NEK7: variants seen among roughly 807,000 people sequenced by gnomAD.
NEK7 encodes NIMA related kinase 7.
Under a neutral mutation model 44.6 loss-of-function variants are expected in NEK7, and 18 were observed. The ratio of observed to expected loss-of-function variants is 0.40; its 90% CI spans 0.28 to 0.60. The LOEUF (loss-of-function observed/expected upper bound fraction) is 0.60. NEK7 is among the 20% of genes least tolerant of loss of function. The pLI, the probability that NEK7 is intolerant of heterozygous loss-of-function variation, is 0.38. For missense variants in NEK7, 256 were observed against 366.5 expected (o/e 0.70, Z 2.46); for synonymous variants, 130 against 121.1 (o/e 1.07, Z -0.48).
chr1:198,197,434 T>C (rs6691920), intron 1 of NEK7, among the ~76,000 whole-genome samples: 15,247 of 152,254 alleles, frequency 0.1, 981 homozygotes, highest in East Asian at 0.22. Flanking sequence ...TAAGAAATTT[T>C]TTATCGAAGT....
intron 9 of NEK7, among the ~76,000 whole-genome samples, chr1:198,314,976 C>A (rs61831679): frequency 5.3e-5 from 8 of 152,234 alleles, no homozygotes; most frequent in Non-Finnish European, 8.8e-5. Context: ...TGGTGCTTCC[C>A]GGCTGCTTTG....
chr1:198,287,594 A>G (rs1182988526), intron 7 of NEK7, among the ~76,000 whole-genome samples: 1 of 152,030 alleles, frequency 6.6e-6, no homozygotes, highest in East Asian at 1.9e-4. Context: ...CAAGGGAGAA[A>G]ATGCCACACT....
At chr1:198,207,735 T>C (rs918997901) in intron 1 of NEK7, among the ~76,000 whole-genome samples, 1 of 152,184 alleles carries the variant, frequency 6.6e-6, no homozygotes, top group Non-Finnish European at 1.5e-5. Context: ...GGAACTGTTC[T>C]ATATTTTGAT....
chr1:198,300,249 G>A (rs1654844453), intron 9 of NEK7, among the ~76,000 whole-genome samples: 1 of 152,152 alleles, frequency 6.6e-6, no homozygotes, highest in African/African-American at 2.4e-5. Flanking sequence ...TGGTGACAGT[G>A]AAGCAAACAT....
chr1:198,318,523 C>T (rs79293937), intron 9 of NEK7, among the ~76,000 whole-genome samples: 2,428 of 152,202 alleles, frequency 0.016, 69 homozygotes, highest in African/African-American at 0.055. Context: ...AGTGCTATAT[C>T]GTGGCCAGAG....
At chr1:198,208,628 G>A (rs1278126314) in intron 1 of NEK7, 3 of 152,126 alleles carry the variant, frequency 2.0e-5, no homozygotes, top group African/African-American at 7.2e-5. Context: ...TTGAGCTATT[G>A]TACAATGTGT....
chr1:198,284,610 C>T (rs1463343499), intron 7 of NEK7, among the ~76,000 whole-genome samples: 4 of 152,062 alleles, frequency 2.6e-5, no homozygotes, highest in African/African-American at 7.2e-5. Context: ...TAAATTTTCT[C>T]GTATCGTAAG....
chr1:198,309,270 G>A (rs756423147), intron 9 of NEK7, among the ~76,000 whole-genome samples: 1 of 151,926 alleles, frequency 6.6e-6, no homozygotes, highest in Non-Finnish European at 1.5e-5. Flanking sequence ...AGATATAGGG[G>A]CATGAAGCAG....
At chr1:198,304,780 T>C (rs1365039183) in intron 9 of NEK7, among the ~76,000 whole-genome samples, 1 of 152,232 alleles carries the variant, frequency 6.6e-6, no homozygotes, top group East Asian at 1.9e-4. Flanking sequence ...GTATTTTCTC[T>C]ACTTTATTGA....
chr1:198,165,424 T>A (rs977636096), intron 1 of NEK7, among the ~76,000 whole-genome samples: 2 of 152,342 alleles, frequency 1.3e-5, no homozygotes. Context: ...CCTTGATCCG[T>A]GGGCTGTAGA....
intron 1 of NEK7, among the ~76,000 whole-genome samples, chr1:198,193,974 C>A (rs1665152235): frequency 6.6e-6 from 1 of 152,126 alleles, no homozygotes; most frequent in Non-Finnish European, 1.5e-5. Flanking sequence ...CCAGGGCAAT[C>A]AGGCAAGAGA....
intron 9 of NEK7, among the ~76,000 whole-genome samples, chr1:198,311,048 T>G (rs1218039085): frequency 3.3e-5 from 5 of 149,438 alleles, no homozygotes; most frequent in African/African-American, 1.2e-4. Context: ...ATTTTCACGA[T>G]ATTGATTCTT....
intron 1 of NEK7, among the ~76,000 whole-genome samples, chr1:198,158,437 A>G (rs1663984474): frequency 6.6e-6 from 1 of 152,208 alleles, no homozygotes; most frequent in African/African-American, 2.4e-5. Context: ...AAGGCTATGC[A>G]CACTCCCTCC....
intron 2 of NEK7, among the ~76,000 whole-genome samples, chr1:198,248,951 A>G (rs1032054805): frequency 4.6e-5 from 7 of 152,032 alleles, no homozygotes; most frequent in Admixed American, 4.6e-4. Context: ...CAGGTTAGTT[A>G]CATATGTATA....
At chr1:198,219,674 T>A (rs1666030898) in intron 1 of NEK7, among the ~76,000 whole-genome samples, 1 of 151,940 alleles carries the variant, frequency 6.6e-6, no homozygotes, top group Non-Finnish European at 1.5e-5. Context: ...TTTTAAAACA[T>A]CATTATTGTA....
At chr1:198,252,294 C>T (rs10922388) in intron 2 of NEK7, among the ~76,000 whole-genome samples, 20,864 of 151,266 alleles carry the variant, frequency 0.14, 2,111 homozygotes, top group East Asian at 0.58. Flanking sequence ...TTTACTTCCA[C>T]CTATGTGGTC....
At chr1:198,223,899 T>C (rs1184688900) in intron 1 of NEK7, among the ~76,000 whole-genome samples, 2 of 152,164 alleles carry the variant, frequency 1.3e-5, no homozygotes, top group Non-Finnish European at 2.9e-5. Context: ...AATTTTCAGA[T>C]GACCAATGTA....
intron 9 of NEK7, among the ~76,000 whole-genome samples, chr1:198,313,976 A>G (rs7533352): frequency 0.51 from 75,440 of 148,182 alleles, 22,179 homozygotes; most frequent in East Asian, 0.9. Context: ...CTGAATGTTG[A>G]CCTGCCTTGC....
chr1:198,207,027 T>C (rs1358996529), intron 1 of NEK7: 3 of 152,176 alleles, frequency 2.0e-5, no homozygotes, highest in African/African-American at 7.2e-5. Context: ...TCCAAAGAAT[T>C]GAAAGGTTCA....
Sources: allele counts gnomAD v4.1 joint callset (sites outside exome capture counted in the v4.1 genomes callset), GRCh38; gene constraint gnomAD v4.1.1; transcripts MANE v1.5; gene names NCBI Gene and HGNC (gene_info 2026-07-23, HGNC 2026-07-21).